Variants in SIPA1L1 observed in about 807,000 individuals in gnomAD.
SIPA1L1 encodes signal induced proliferation associated 1 like 1.
SIPA1L1 carries 26 observed loss-of-function variants against 162.7 expected under a neutral mutation model. That is an observed-to-expected ratio of 0.16 (90% confidence interval 0.12 to 0.22). The LOEUF (loss-of-function observed/expected upper bound fraction) is 0.22. Ranked by LOEUF, SIPA1L1 falls within the 10% of genes least tolerant of loss-of-function variation. The pLI is 1.00. For synonymous variants in SIPA1L1, 829 were observed against 837.4 expected (o/e 0.99, Z 0.17); for missense variants, 1,874 against 2,241.0 (o/e 0.84, Z 3.31).
chr14:71,485,411 T>TA (rs1406161249), intron 2 of SIPA1L1, among the ~76,000 whole-genome samples: 4 of 152,176 alleles, frequency 2.6e-5, no homozygotes, highest in Non-Finnish European at 4.4e-5. Flanking sequence ...CATTGCCCAT[T>TA]ACCACCTGAG....
At chr14:71,595,983 G>A (rs760659116) in intron 5 of SIPA1L1, among the ~76,000 whole-genome samples, 1 of 152,122 alleles carries the variant, frequency 6.6e-6, no homozygotes, top group Admixed American at 6.5e-5. Context: ...CTAACCTTTT[G>A]TCTTTGCCAG....
intron 7 of SIPA1L1, among the ~76,000 whole-genome samples, chr14:71,646,088 T>G (rs892816000): frequency 2.0e-5 from 3 of 152,200 alleles, no homozygotes; most frequent in Non-Finnish European, 4.4e-5. Flanking sequence ...CATCTCTTTC[T>G]TCTGGTACAG....
In SIPA1L1 at chr14:71,349,502, C is replaced by T. The variant is rs77760186; in HGVS notation, c.-465+28321C>T. Among the ~76,000 whole-genome samples, 532 of 152,182 alleles carry T rather than the reference C, an allele frequency of 3.5e-3. 19 individuals carry two copies. The highest frequency in any genetic ancestry group is 0.025 in the Admixed American group (380 of 15,280). ...GACACTCCTGAAATCTGAAGGTTTA[C>T]GTCAGTGTTTTCATTTGTTTTCCCT... On this transcript the variant is annotated intron_variant, in intron 2 of 23. Coordinates refer to ENST00000381232, the MANE Select transcript of SIPA1L1 (RefSeq NM_001386936.1).
At chr14:71,583,729 A>G (rs1567242634) in intron 4 of SIPA1L1, among the ~76,000 whole-genome samples, 1 of 151,878 alleles carries the variant, frequency 6.6e-6, no homozygotes, top group Non-Finnish European at 1.5e-5. Context: ...TGGTTATTTC[A>G]TTGTAAAATA....
intron 2 of SIPA1L1, among the ~76,000 whole-genome samples, chr14:71,500,222 T>C (rs1264185750): frequency 6.6e-6 from 1 of 152,112 alleles, no homozygotes; most frequent in Non-Finnish European, 1.5e-5. Context: ...AGGAAATATT[T>C]GCAACACATA....
intron 2 of SIPA1L1, among the ~76,000 whole-genome samples, chr14:71,411,486 GTCT>G (rs1358543810): frequency 1.3e-5 from 2 of 152,164 alleles, no homozygotes; most frequent in African/African-American, 4.8e-5. Context: ...TTCCCCAGTT[GTCT>G]TCTCTCTGTA....
intron 2 of SIPA1L1, among the ~76,000 whole-genome samples, chr14:71,488,300 G>C (rs2048938957): frequency 6.6e-6 from 1 of 151,876 alleles, no homozygotes; most frequent in South Asian, 2.1e-4. Flanking sequence ...TATTATTTTG[G>C]CTTAAAATAT....
intron 3 of SIPA1L1, among the ~76,000 whole-genome samples, chr14:71,516,203 G>GTTGT (rs2051712051): frequency 6.6e-6 from 1 of 152,098 alleles, no homozygotes; most frequent in Non-Finnish European, 1.5e-5. Context: ...CTCATGTGAT[G>GTTGT]TTGTTTTTGG....
At chr14:71,330,401 T>C (rs1158876661) in intron 2 of SIPA1L1, 2 of 1,206,242 alleles carry the variant, frequency 1.7e-6, no homozygotes, top group Non-Finnish European at 2.5e-6. Flanking sequence ...TGCATGCTGA[T>C]TTCACGAGCT....
chr14:71,603,844 G>T (rs2037105834), intron 5 of SIPA1L1, among the ~76,000 whole-genome samples: 1 of 150,876 alleles, frequency 6.6e-6, no homozygotes, highest in South Asian at 2.1e-4. Flanking sequence ...GAACCTGGGA[G>T]GTGGAGGTTG....
At chr14:71,555,300 A>T (rs1042904263) in intron 4 of SIPA1L1, among the ~76,000 whole-genome samples, 1 of 152,212 alleles carries the variant, frequency 6.6e-6, no homozygotes, top group Non-Finnish European at 1.5e-5. Context: ...GTGAGCTTGC[A>T]CTTTCATGTT....
intron 2 of SIPA1L1, among the ~76,000 whole-genome samples, chr14:71,484,759 A>C (rs916748792): frequency 2.6e-5 from 4 of 152,234 alleles, no homozygotes; most frequent in Non-Finnish European, 4.4e-5. Context: ...CAGTAGGCTT[A>C]TTGTTAGTTT....
chr14:71,472,159 G>T (rs753687865), intron 2 of SIPA1L1, among the ~76,000 whole-genome samples: 4 of 152,180 alleles, frequency 2.6e-5, no homozygotes, highest in Non-Finnish European at 5.9e-5. Flanking sequence ...CCTCCGTCTA[G>T]ACTCTCATGT....
chr14:71,669,091 C>T (rs2044281031), intron 10 of SIPA1L1, among the ~76,000 whole-genome samples: 1 of 152,154 alleles, frequency 6.6e-6, no homozygotes, highest in Non-Finnish European at 1.5e-5. Flanking sequence ...AAGAGCATTC[C>T]AGGGTATCAT....
chr14:71,330,290 G>A (rs943871589), intron 2 of SIPA1L1: 1 of 736,072 alleles, frequency 1.4e-6, no homozygotes, highest in South Asian at 1.4e-5. Flanking sequence ...AGTCTAGTTA[G>A]CATGTTGTGG....
intron 4 of SIPA1L1, among the ~76,000 whole-genome samples, chr14:71,576,382 C>T (rs2033034851): frequency 6.6e-6 from 1 of 152,168 alleles, no homozygotes; most frequent in African/African-American, 2.4e-5. Flanking sequence ...TGAGCAGTGC[C>T]TGATGCATAC....
At chr14:71,401,980 A>C (rs1329608895) in intron 2 of SIPA1L1, among the ~76,000 whole-genome samples, 1 of 152,220 alleles carries the variant, frequency 6.6e-6, no homozygotes, top group Non-Finnish European at 1.5e-5. Flanking sequence ...ATTATTGTAA[A>C]TAATATAAGG....
In SIPA1L1 at chr14:71,717,729, G is replaced by A. The variant is rs111545872; in HGVS notation, c.4209-5918G>A. Among the ~76,000 whole-genome samples, 760 of 152,298 alleles carry A rather than the reference G, an allele frequency of 5.0e-3. 9 individuals are homozygous for A. The highest frequency in any genetic ancestry group is 0.017 in the African/African-American group (709 of 41,552). On this transcript the variant is annotated intron_variant, in intron 17 of 23. Coordinates refer to ENST00000381232, the MANE Select transcript of SIPA1L1 (RefSeq NM_001386936.1). ...AGTGTATGGGTGCACATCCCTTGACGCAGTCTCAGGCCAGTGGGTTGGTCA... is the reference window on the plus strand; with the variant it reads ...AGTGTATGGGTGCACATCCCTTGACACAGTCTCAGGCCAGTGGGTTGGTCA...
intron 2 of SIPA1L1, chr14:71,497,877 T>G (rs2049912280): frequency 6.6e-6 from 1 of 152,224 alleles, no homozygotes; most frequent in South Asian, 2.1e-4. Context: ...GTGCATGATT[T>G]CTGAGTCATA....
Sources: allele counts gnomAD v4.1 joint callset (sites outside exome capture counted in the v4.1 genomes callset), GRCh38; gene constraint gnomAD v4.1.1; transcripts MANE v1.5; gene names NCBI Gene and HGNC (gene_info 2026-07-23, HGNC 2026-07-21).